The following IRF2 variants were observed in gnomAD, a reference collection of about 807,000 sequenced individuals.
IRF2 encodes the protein interferon regulatory factor 2.
IRF2 carries 15 observed loss-of-function variants against 40.6 expected under a neutral mutation model. The observed-to-expected ratio is 0.37, with a 90% confidence interval of 0.25 to 0.57. The LOEUF (loss-of-function observed/expected upper bound fraction) is 0.57, where lower values mean the gene tolerates loss of function less well. Ranked by LOEUF, IRF2 falls within the 20% of genes least tolerant of loss-of-function variation. The probability of loss-of-function intolerance (pLI) is 0.77; values close to 1 mark genes in which losing one functional copy is unlikely to be tolerated. For synonymous variants in IRF2, 151 were observed against 165.5 expected (o/e 0.91, Z 0.67); for missense variants, 317 against 455.7 (o/e 0.70, Z 2.77).
intron 1 of IRF2, among the ~76,000 whole-genome samples, chr4:184,449,896 G>T (rs1049146842): frequency 1.3e-5 from 2 of 152,158 alleles, no homozygotes; most frequent in African/African-American, 4.8e-5. Flanking sequence ...TGTGAATGGG[G>T]TCTCATTAAT....
chr4:184,469,224 G>T (rs1739433701), intron 1 of IRF2, among the ~76,000 whole-genome samples: 1 of 152,152 alleles, frequency 6.6e-6, no homozygotes, highest in Non-Finnish European at 1.5e-5. Context: ...AAGCCTAACG[G>T]GATGGTGAGT....
intron 1 of IRF2, among the ~76,000 whole-genome samples, chr4:184,454,188 G>C (rs1362430595): frequency 6.6e-6 from 1 of 152,162 alleles, no homozygotes; most frequent in African/African-American, 2.4e-5. Context: ...CTCAGGATCT[G>C]CTTCTTGCTG....
chr4:184,450,371 C>G (rs1031959718), intron 1 of IRF2, among the ~76,000 whole-genome samples: 5 of 152,108 alleles, frequency 3.3e-5, no homozygotes, highest in African/African-American at 1.2e-4. Context: ...ATTGTTATCA[C>G]GCTACACGAA....
rs774928770 is a variant in IRF2, at chr4:184,413,904, C to A, written c.411+4263G>T. Among the ~76,000 whole-genome samples the A allele has an allele frequency of 1.3e-5, 2 of 152,228 alleles. No homozygotes were observed. Among genetic ancestry groups the A allele is most frequent in the Non-Finnish European group, 2.9e-5 (2 of 68,042 alleles). Reference sequence around the variant, plus strand: ...TCCTGTCTCATCCAGGAAAGACAAACCAACTGTAATCTCCAGGCCTTCATT... The same window carrying A: ...TCCTGTCTCATCCAGGAAAGACAAAACAACTGTAATCTCCAGGCCTTCATT... On this transcript the variant is annotated intron_variant, in intron 5 of 8. Transcript: ENST00000393593. The surrounding 1 kb of genome is among the most constrained non-coding windows in gnomAD (Gnocchi z 4.2).
rs1484702681 is a variant in IRF2, at chr4:184,413,026, C to A, written c.412-4751G>T. The stretch of plus-strand genomic sequence containing the variant: ...GCGAAACACCCTCTCCACAAAACGA[C>A]CTGCATTCCCAACACTCGCTTCTGA... On this transcript the variant is annotated intron_variant, in intron 5 of 8. Transcript: ENST00000393593. This position sits in a 1 kb window ranked among gnomAD's most constrained non-coding sequence, Gnocchi z 4.2. Among the ~76,000 whole-genome samples the A allele has an allele frequency of 1.3e-5, 2 of 152,216 alleles. No homozygotes were observed. The highest frequency in any genetic ancestry group is 2.9e-5 in the Non-Finnish European group (2 of 68,044).
intron 2 of IRF2, among the ~76,000 whole-genome samples, chr4:184,425,895 G>T (rs577821434): frequency 6.6e-6 from 1 of 152,296 alleles, no homozygotes; most frequent in Non-Finnish European, 1.5e-5. Context: ...AAACTGGGTG[G>T]CTCACAGCAA....
chr4:184,449,291 A>T (rs539190678), intron 1 of IRF2, among the ~76,000 whole-genome samples: 160 of 152,314 alleles, frequency 1.1e-3, no homozygotes, highest in Non-Finnish European at 9.6e-4. Flanking sequence ...GTCACCCCTC[A>T]GCCTCAAGAG....
intron 1 of IRF2, among the ~76,000 whole-genome samples, chr4:184,452,632 G>A (rs920942068): frequency 2.0e-5 from 3 of 151,864 alleles, no homozygotes; most frequent in Admixed American, 1.3e-4. Flanking sequence ...ATAAGGCAAT[G>A]CGGTGGCTCA....
chr4:184,408,407 C>T lies in IRF2; in HGVS notation c.412-132G>A, dbSNP rs1310184739. 1.3e-5 allele frequency: 9 copies of T among 681,242 alleles called. No individual in the cohort carries two copies. In the East Asian group the frequency reaches 2.3e-4, roughly 17 times the overall value. The allele number at this position is 681,242 out of a possible 1,614,324, so 42.2% of individuals were successfully genotyped here. ...TGTTCAGCTGCCGAATACATTCATC[C>T]CCTGCTTCTTTAAACTGGCCTGTTT... is the stretch of plus-strand genomic sequence containing the variant. On this transcript the variant is annotated intron_variant, in intron 5 of 8. Transcript: ENST00000393593. The surrounding 1 kb of genome is among the most constrained non-coding windows in gnomAD (Gnocchi z 4.9).
intron 5 of IRF2, among the ~76,000 whole-genome samples, chr4:184,415,641 G>A (rs1737240522): frequency 6.6e-6 from 1 of 152,222 alleles, no homozygotes; most frequent in Admixed American, 6.5e-5. Context: ...GTGCATCTTA[G>A]CATCATTGGC....
chr4:184,390,694 G>C lies in IRF2; in HGVS notation c.741+9C>G. 1 of 1,614,180 alleles carries C rather than the reference G, an allele frequency of 6.2e-7. No homozygotes were observed. The highest frequency in any genetic ancestry group is 2.2e-5 in the East Asian group (1 of 44,884). On this transcript the variant is annotated intron_variant, in intron 8 of 8. Coordinates refer to ENST00000393593, the MANE Select transcript of IRF2 (RefSeq NM_002199.4). ...GGCAGCATCGTGGGCAGGCTGGGCA[G>C]TGGCTTACCTCGGCACTCTCTTCAT...
In IRF2 at chr4:184,471,396, T is replaced by C. The variant is rs764671234; in HGVS notation, c.-7+2983A>G. Among the ~76,000 whole-genome samples the C allele has an allele frequency of 8.3e-4, 127 of 152,356 alleles. 2 individuals are homozygous for C. Among genetic ancestry groups the C allele is most frequent in the East Asian group, 3.9e-4 (2 of 5,194 alleles). On this transcript the variant is annotated intron_variant, in intron 1 of 8. Coordinates refer to ENST00000393593, the MANE Select transcript of IRF2 (RefSeq NM_002199.4). ...CAGTTGAGTATACAGAGGCTAGCAC[T>C]GTGTCTGGCTTATAATAGATGTTCT...
At chr4:184,436,292 A>C (rs1738075781) in intron 1 of IRF2, among the ~76,000 whole-genome samples, 1 of 152,118 alleles carries the variant, frequency 6.6e-6, no homozygotes, top group African/African-American at 2.4e-5. Context: ...GCCTTTTCTT[A>C]TTACCCAGTC....
chr4:184,416,317 C>CA (rs1383527631), intron 5 of IRF2, among the ~76,000 whole-genome samples: 39 of 34,760 alleles, frequency 1.1e-3, no homozygotes, highest in South Asian at 4.7e-3. Flanking sequence ...GACCTTGTCT[C>CA]AAAAAAAAAA....
chr4:184,449,468 C>G (rs1561121409), intron 1 of IRF2, among the ~76,000 whole-genome samples: 2 of 152,230 alleles, frequency 1.3e-5, no homozygotes, highest in South Asian at 4.1e-4. Flanking sequence ...ATTCCCAGGG[C>G]CCAGAGTACG....
chr4:184,412,909 G>A (rs746094037), intron 5 of IRF2, among the ~76,000 whole-genome samples: 16 of 152,178 alleles, frequency 1.1e-4, no homozygotes, highest in African/African-American at 1.9e-4. Context: ...ACATCTGCCC[G>A]TTGGGCACTC....
At chr4:184,467,494 A>T (rs1739369715) in intron 1 of IRF2, among the ~76,000 whole-genome samples, 1 of 152,214 alleles carries the variant, frequency 6.6e-6, no homozygotes, top group Non-Finnish European at 1.5e-5. Context: ...CAATAGATCT[A>T]GGGTAAAAAG....
intron 1 of IRF2, among the ~76,000 whole-genome samples, chr4:184,453,200 AT>A (rs1738790206): frequency 6.6e-6 from 1 of 152,300 alleles, no homozygotes; most frequent in African/African-American, 2.4e-5. Flanking sequence ...TTACTCCATC[AT>A]TTTTTTAAAG....
intron 2 of IRF2, among the ~76,000 whole-genome samples, chr4:184,423,381 A>G (rs1416020837): frequency 1.3e-5 from 2 of 152,212 alleles, no homozygotes; most frequent in Non-Finnish European, 2.9e-5. Context: ...ATTTTGAGCA[A>G]TGTAGAACAA....
Sources: allele counts gnomAD v4.1 joint callset (sites outside exome capture counted in the v4.1 genomes callset), GRCh38; gene constraint gnomAD v4.1.1; non-coding constraint Gnocchi (gnomAD v3.1); transcripts MANE v1.5; gene names NCBI Gene and HGNC (gene_info 2026-07-23, HGNC 2026-07-21).